The following CEP83 variants were observed in gnomAD, a reference collection of about 807,000 sequenced individuals.
CEP83 encodes centrosomal protein 83.
A neutral mutation model predicts 101.9 loss-of-function variants in CEP83; 70 were observed. That is an observed-to-expected ratio of 0.69 (90% CI 0.57 to 0.84). CEP83 has a LOEUF of 0.84. CEP83 is among the 40% of genes least tolerant of loss of function. The pLI is 0.00. For synonymous variants in CEP83, 264 were observed against 267.9 expected (o/e 0.99, Z 0.14); for missense variants, 715 against 787.2 (o/e 0.91, Z 1.10).
intron 4 of CEP83, among the ~76,000 whole-genome samples, chr12:94,406,525 C>A (rs780999668): frequency 9.2e-5 from 14 of 151,818 alleles, no homozygotes; most frequent in Non-Finnish European, 2.1e-4. Flanking sequence ...AAAACAGGCC[C>A]AGAAATGACA....
intron 11 of CEP83, among the ~76,000 whole-genome samples, chr12:94,337,499 G>T (rs1483010166): frequency 6.6e-6 from 1 of 152,120 alleles, no homozygotes; most frequent in African/African-American, 2.4e-5. Context: ...AAGACTAATG[G>T]TATTAAAGTT....
At chr12:94,353,492 A>G (rs2060296372) in intron 11 of CEP83, among the ~76,000 whole-genome samples, 1 of 152,194 alleles carries the variant, frequency 6.6e-6, no homozygotes, top group Non-Finnish European at 1.5e-5. Flanking sequence ...CCACAAAGAT[A>G]AACAATTAAG....
At chr12:94,270,189 A>G in the CEP83 span, among the ~76,000 whole-genome samples, 1 of 152,370 alleles carries the variant, frequency 6.6e-6, no homozygotes, top group East Asian at 1.9e-4. Context: ...CAAAGTTAGC[A>G]TTCCATTTGA....
At chr12:94,370,657 T>C (rs903044953) in intron 8 of CEP83, among the ~76,000 whole-genome samples, 4 of 152,186 alleles carry the variant, frequency 2.6e-5, no homozygotes, top group African/African-American at 9.7e-5. Flanking sequence ...GGATTATAGT[T>C]GTAATCCACT....
chr12:94,427,574 T>C (rs997981182), intron 2 of CEP83, among the ~76,000 whole-genome samples: 9 of 152,198 alleles, frequency 5.9e-5, no homozygotes, highest in South Asian at 2.1e-4. Flanking sequence ...AGTAGTACAA[T>C]GTCTGCCCCA....
the CEP83 span, among the ~76,000 whole-genome samples, chr12:94,268,251 G>T: frequency 6.6e-6 from 1 of 152,144 alleles, no homozygotes; most frequent in Admixed American, 6.5e-5. Context: ...GAACATAAAG[G>T]CATCTTGCCA....
chr12:94,348,128 C>T (rs907348592), intron 11 of CEP83, among the ~76,000 whole-genome samples: 10 of 151,284 alleles, frequency 6.6e-5, no homozygotes, highest in African/African-American at 2.2e-4. Flanking sequence ...TATATATATA[C>T]ACAAAGCAGT....
the CEP83 span, among the ~76,000 whole-genome samples, chr12:94,295,636 T>C: frequency 6.6e-6 from 1 of 152,144 alleles, no homozygotes; most frequent in East Asian, 1.9e-4. Context: ...CATCAGCCCC[T>C]CTGTCAAAAT....
chr12:94,274,789 G>T, the CEP83 span, among the ~76,000 whole-genome samples: 31 of 152,158 alleles, frequency 2.0e-4, no homozygotes, highest in Admixed American at 1.1e-3. Flanking sequence ...TCTTCTTGCT[G>T]GCTGACCTTG....
At chr12:94,410,639 A>G (rs2063821943) in intron 4 of CEP83, among the ~76,000 whole-genome samples, 1 of 152,210 alleles carries the variant, frequency 6.6e-6, no homozygotes, top group South Asian at 2.1e-4. Flanking sequence ...TCTCTCAAAT[A>G]TCTTGGGTTC....
chr12:94,454,800 G>A (rs758044095), intron 1 of CEP83, among the ~76,000 whole-genome samples: 9 of 150,088 alleles, frequency 6.0e-5, no homozygotes, highest in African/African-American at 9.8e-5. Flanking sequence ...TGCCGGACGC[G>A]CCACCTTTAA....
At chr12:94,360,734 A>G (rs974598038) in intron 11 of CEP83, among the ~76,000 whole-genome samples, 2 of 152,124 alleles carry the variant, frequency 1.3e-5, no homozygotes, top group Non-Finnish European at 2.9e-5. Context: ...ATTTCTTCAC[A>G]GAAATTGAAA....
chr12:94,432,835 A>G (rs531274582), intron 2 of CEP83, among the ~76,000 whole-genome samples: 10 of 152,258 alleles, frequency 6.6e-5, no homozygotes, highest in Non-Finnish European at 1.0e-4. Context: ...CATGTAACAA[A>G]TACACATGTA....
At chr12:94,439,171 G>T (rs2066213399) in intron 1 of CEP83, among the ~76,000 whole-genome samples, 1 of 151,994 alleles carries the variant, frequency 6.6e-6, no homozygotes, top group African/African-American at 2.4e-5. Flanking sequence ...AAATAACAAA[G>T]ATCAGAACTA....
chr12:94,346,375 T>C (rs77229792), intron 11 of CEP83, among the ~76,000 whole-genome samples: 6,881 of 151,420 alleles, frequency 0.045, 214 homozygotes, highest in Non-Finnish European at 0.072. Context: ...ATCTAGCTGT[T>C]TATTTGTATC....
chr12:94,440,931 A>G (rs2066354841), intron 1 of CEP83, among the ~76,000 whole-genome samples: 2 of 152,140 alleles, frequency 1.3e-5, no homozygotes, highest in Non-Finnish European at 2.9e-5. Flanking sequence ...AAAGTAGAGA[A>G]ACGACAACCT....
intron 6 of CEP83, among the ~76,000 whole-genome samples, chr12:94,389,799 C>T (rs2062399777): frequency 6.6e-6 from 1 of 152,222 alleles, no homozygotes; most frequent in African/African-American, 2.4e-5. Context: ...TAGCAACCAG[C>T]AAACAAGGAG....
At chr12:94,355,941 G>C (rs1000454074) in intron 11 of CEP83, among the ~76,000 whole-genome samples, 1 of 152,170 alleles carries the variant, frequency 6.6e-6, no homozygotes, top group African/African-American at 2.4e-5. Context: ...GTAAATCTCT[G>C]TTCAGGGCTC....
intron 2 of CEP83, among the ~76,000 whole-genome samples, chr12:94,433,050 A>G (rs2065755964): frequency 6.6e-6 from 1 of 152,188 alleles, no homozygotes; most frequent in Admixed American, 6.5e-5. Flanking sequence ...GTGCAAAATA[A>G]TGGAGATTAA....
Sources: gnomAD v4.1 joint callset for allele counts (sites outside exome capture counted in the v4.1 genomes callset) on GRCh38, gnomAD v4.1.1 for gene constraint, MANE v1.5 for transcripts, NCBI Gene and HGNC (gene_info 2026-07-23, HGNC 2026-07-21) for gene names.